MAP2K5: variants seen among roughly 807,000 people sequenced by gnomAD.
MAP2K5 encodes mitogen-activated protein kinase kinase 5, also known as dual specificity mitogen-activated protein kinase kinase 5.
In MAP2K5, 49 loss-of-function variants were observed where a neutral mutation model predicts 83.1. The observed-to-expected ratio is 0.59, with a 90% CI of 0.47 to 0.75. MAP2K5 has a LOEUF of 0.75. Among genes scored for constraint, MAP2K5 ranks in the 30% least tolerant of loss-of-function variants. The probability of loss-of-function intolerance (pLI) is 0.00; values close to 1 mark genes in which losing one functional copy is unlikely to be tolerated. For missense variants in MAP2K5, 457 were observed against 557.5 expected (o/e 0.82, Z 1.82); for synonymous variants, 202 against 191.8 (o/e 1.05, Z -0.44).
At chr15:67,645,749 C>T (rs1034380239) in intron 9 of MAP2K5, among the ~76,000 whole-genome samples, 3 of 150,256 alleles carry the variant, frequency 2.0e-5, no homozygotes, top group South Asian at 2.1e-4. Flanking sequence ...GATGGGTTCT[C>T]GCTATGGTGC....
At chr15:67,641,520 A>G (rs1175695640) in intron 9 of MAP2K5, 2 of 999,504 alleles carry the variant, frequency 2.0e-6, no homozygotes, top group African/African-American at 1.7e-5. Flanking sequence ...TTTATACTGT[A>G]TATTTTAATA....
chr15:67,767,786 T>C (rs2141298193), intron 19 of MAP2K5, among the ~76,000 whole-genome samples: 1 of 152,310 alleles, frequency 6.6e-6, no homozygotes, highest in South Asian at 2.1e-4. Flanking sequence ...AGTGGACTGT[T>C]TGATCAGCCA....
intron 9 of MAP2K5, among the ~76,000 whole-genome samples, chr15:67,633,528 A>G (rs2086523602): frequency 6.6e-6 from 1 of 152,252 alleles, no homozygotes; most frequent in South Asian, 2.1e-4. Context: ...GGAAAAGAGT[A>G]AAAGCAATTT....
chr15:67,599,046 C>T (rs907333610), intron 7 of MAP2K5, among the ~76,000 whole-genome samples: 2 of 152,192 alleles, frequency 1.3e-5, no homozygotes, highest in South Asian at 2.1e-4. Context: ...TCAAAGTAAA[C>T]CAAACAGCAA....
intron 21 of MAP2K5, among the ~76,000 whole-genome samples, chr15:67,796,302 C>T (rs566128846): frequency 6.6e-6 from 1 of 152,264 alleles, no homozygotes; most frequent in South Asian, 2.1e-4. Context: ...CAAAGAAACA[C>T]CTGAGACTGA....
chr15:67,547,568 G>T (rs1341701861), intron 1 of MAP2K5, among the ~76,000 whole-genome samples: 1 of 149,668 alleles, frequency 6.7e-6, no homozygotes, highest in Non-Finnish European at 1.5e-5. Flanking sequence ...TGATTCTCCT[G>T]CTTTAGCCTC....
Position 67,561,232 on chromosome 15 carries a change from G to A in MAP2K5, c.185-2051G>A, listed in dbSNP as rs2084730182. 6.6e-6 allele frequency among the ~76,000 whole-genome samples: 1 copy of A among 152,152 alleles called. No homozygotes were observed. The highest frequency in any genetic ancestry group is 2.4e-5 in the African/African-American group (1 of 41,424). ...AATGTAAAGTGCTTTCATGTGTGGT[G>A]ATATGTAACATTACATCATTTGTAC... is the stretch of plus-strand genomic sequence containing the variant. On this transcript the variant is annotated intron_variant, in intron 2 of 21. Transcript: ENST00000178640. This position sits in a 1 kb window ranked among gnomAD's most constrained non-coding sequence, Gnocchi z 4.2.
chr15:67,671,355 T>G (rs1046914671), intron 13 of MAP2K5, among the ~76,000 whole-genome samples: 1 of 152,194 alleles, frequency 6.6e-6, no homozygotes, highest in Admixed American at 6.6e-5. Context: ...GTGCTTAATG[T>G]ATATAAATTA....
chr15:67,746,180 C>T lies in MAP2K5; in HGVS notation c.1075-2051C>T, dbSNP rs1171107673. Among the ~76,000 whole-genome samples, 1 of 152,138 alleles carries T rather than the reference C, an allele frequency of 6.6e-6. No individual in the cohort carries two copies. Among genetic ancestry groups the T allele is most frequent in the Non-Finnish European group, 1.5e-5 (1 of 68,020 alleles). On this transcript the variant is annotated intron_variant, in intron 17 of 21. Coordinates refer to ENST00000178640, the MANE Select transcript of MAP2K5 (RefSeq NM_145160.3). This position sits in a 1 kb window ranked among gnomAD's most constrained non-coding sequence, Gnocchi z 4.1. ...CTCAGTTCATGAGGAAGTTTCCTCC[C>T]CTCAGTTAATCTGATTCACACAACT...
intron 7 of MAP2K5, among the ~76,000 whole-genome samples, chr15:67,599,439 C>T (rs1421896697): frequency 6.6e-6 from 1 of 152,142 alleles, no homozygotes; most frequent in African/African-American, 2.4e-5. Context: ...TTTCTGTTAC[C>T]TGCATTGTAC....
intron 8 of MAP2K5, among the ~76,000 whole-genome samples, chr15:67,615,285 A>G (rs998154081): frequency 2.0e-5 from 3 of 152,338 alleles, no homozygotes; most frequent in Non-Finnish European, 4.4e-5. Flanking sequence ...GGTGTGAGCC[A>G]CTGTGCCCGG....
In MAP2K5 at chr15:67,806,912, C is replaced by T. The variant is rs1180847022; in HGVS notation, c.*162C>T. The T allele has an allele frequency of 1.9e-6, 3 of 1,590,274 alleles. No individual in the cohort carries two copies. The African/African-American group carries it at 4.0e-5, about 21-fold the overall frequency. ...AGCAGGTGGCCTTGCCTGGGGAGCC[C>T]CATGTGTGGCCCACCCCACCAGGCC... On this transcript the variant is annotated 3_prime_UTR_variant, in exon 22 of 22. Transcript: ENST00000178640.
In MAP2K5 at chr15:67,806,971, C is replaced by T; in HGVS notation, c.*221C>T. The T allele has an allele frequency of 1.3e-6, 2 of 1,528,854 alleles. No homozygotes were observed. The highest frequency in any genetic ancestry group is 1.8e-6 in the Non-Finnish European group (2 of 1,142,424). The allele number at this position is 1,528,854 out of a possible 1,614,324, so 94.7% of individuals were successfully genotyped here. A position where few individuals can be genotyped will look rare whatever the true frequency, so the allele number is the denominator to read the frequency against. ...ACCTTCTGGTTTGAAGGCGCTGACACTGGCAGAGAGGTAAAGGGTGGGGCA... is the reference window on the plus strand; with the variant it reads ...ACCTTCTGGTTTGAAGGCGCTGACATTGGCAGAGAGGTAAAGGGTGGGGCA... On this transcript the variant is annotated 3_prime_UTR_variant, in exon 22 of 22. Transcript: ENST00000178640.
chr15:67,797,196 T>C (rs2090619749), intron 21 of MAP2K5, among the ~76,000 whole-genome samples: 1 of 152,234 alleles, frequency 6.6e-6, no homozygotes, highest in African/African-American at 2.4e-5. Context: ...CAGAATTTCA[T>C]TGTCCCCTTG....
intron 2 of MAP2K5, among the ~76,000 whole-genome samples, chr15:67,556,245 C>T (rs962698160): frequency 3.3e-5 from 5 of 152,216 alleles, no homozygotes; most frequent in East Asian, 1.9e-4. Flanking sequence ...TTGCTCTTTT[C>T]GGTTTGTTCT....
chr15:67,721,355 G>A (rs959930432), intron 16 of MAP2K5, among the ~76,000 whole-genome samples: 5 of 152,146 alleles, frequency 3.3e-5, no homozygotes, highest in Non-Finnish European at 5.9e-5. Context: ...AGGACAAGTA[G>A]TTGTTGTTTT....
chr15:67,678,731 C>T (rs1309659720), intron 13 of MAP2K5, among the ~76,000 whole-genome samples: 3 of 152,066 alleles, frequency 2.0e-5, no homozygotes, highest in East Asian at 1.9e-4. Flanking sequence ...TTTGGGAAGC[C>T]GAGGCGGTAG....
At chr15:67,687,483 C>T (rs1275521617) in intron 13 of MAP2K5, among the ~76,000 whole-genome samples, 1 of 152,178 alleles carries the variant, frequency 6.6e-6, no homozygotes, top group African/African-American at 2.4e-5. Flanking sequence ...ATATACCAAA[C>T]TGCTTCTTGG....
At position 67,790,666 on chromosome 15, in the gene MAP2K5, G is replaced by C. The variant is rs2090499813; in HGVS notation, c.1243-15980G>C. ...TGAGTGGTGAGGGTCTTTAAGATGT[G>C]GAGAGCAGCCTTTAATTCTCTACTG... On this transcript the variant is annotated intron_variant, in intron 21 of 21. Coordinates refer to ENST00000178640, the MANE Select transcript of MAP2K5 (RefSeq NM_145160.3). The surrounding 1 kb of genome is among the most constrained non-coding windows in gnomAD (Gnocchi z 4.6). Among the ~76,000 whole-genome samples, 1 of 152,034 alleles carries C rather than the reference G, an allele frequency of 6.6e-6. No homozygotes were observed. Among genetic ancestry groups the C allele is most frequent in the Non-Finnish European group, 1.5e-5 (1 of 68,026 alleles).
Sources: allele counts gnomAD v4.1 joint callset (sites outside exome capture counted in the v4.1 genomes callset), GRCh38; gene constraint gnomAD v4.1.1; non-coding constraint Gnocchi (gnomAD v3.1); transcripts MANE v1.5; gene names NCBI Gene and HGNC (gene_info 2026-07-23, HGNC 2026-07-21).